The following PLCB3 variants were observed in gnomAD, a reference collection of about 807,000 sequenced individuals.
The protein encoded by PLCB3 is phospholipase C beta 3.
A neutral mutation model predicts 152.1 loss-of-function variants in PLCB3; 54 were observed. The observed-to-expected ratio is 0.36, with a 90% CI of 0.29 to 0.45. The LOEUF is 0.45. Ranked by LOEUF, PLCB3 falls within the 20% of genes least tolerant of loss-of-function variation. PLCB3 has a pLI of 1.00. For synonymous variants in PLCB3, 717 were observed against 698.7 expected, an observed-to-expected ratio of 1.03 and a Z score of -0.41; for missense variants, 1,248 against 1,687.5, an observed-to-expected ratio of 0.74 and a Z score of 4.56.
chr11:64,267,742 CTT>C lies in PLCB3; in HGVS notation c.*187_*188del. On this transcript the variant is annotated 3_prime_UTR_variant, in exon 31 of 31. Coordinates refer to ENST00000279230, the MANE Select transcript of PLCB3 (RefSeq NM_000932.5). This position sits in a 1 kb window ranked among gnomAD's most constrained non-coding sequence, Gnocchi z 5.2. The stretch of plus-strand genomic sequence containing the variant: ...GGGGCCCCTCCTTCCTGCCCTCAGT[CTT>C]AGGTTAGGGCCTTGGTCAGGGCTTT... The C allele has an allele frequency of 1.7e-6, 1 of 588,630 alleles. No individual in the cohort carries two copies. The allele number at this position is 588,630 out of a possible 1,614,324, so 36.5% of individuals were successfully genotyped here.
intron 1 of PLCB3, among the ~76,000 whole-genome samples, chr11:64,253,741 C>G (rs1290967322): frequency 6.6e-6 from 1 of 152,190 alleles, no homozygotes; most frequent in Admixed American, 6.5e-5. Flanking sequence ...TGCCCCCTGC[C>G]AGCTGCACGG....
rs375052596 is a variant in PLCB3, at chr11:64,266,016, C to T, written c.3166C>T (p.Arg1056Trp). 1.7e-5 allele frequency: 28 copies of T among 1,613,858 alleles called. No individual in the cohort carries two copies. Among genetic ancestry groups the T allele is most frequent in the East Asian group, 1.1e-4 (5 of 44,876 alleles). The change falls in exon 26 of 31, where the codon CGG becomes TGG. Residue 1056 changes from arginine (R) to tryptophan (W), a missense_variant. Around this residue, in one of 6 missense-constraint regions of PLCB3, gnomAD observed 477 missense variants for 489.6 expected, o/e 0.97. Transcript: ENST00000279230. The surrounding 1 kb of genome is among the most constrained non-coding windows in gnomAD (Gnocchi z 4.9). Reference protein sequence around the residue: ...REAQVDAEAQRRLEHLRQALQ... With the variant: ...REAQVDAEAQWRLEHLRQALQ... ...GGCCCAGGTGGACGCAGAGGCCCAGCGGAGGCTGGAACACCTGAGACAGGT... is the reference window on the plus strand; with the variant it reads ...GGCCCAGGTGGACGCAGAGGCCCAGTGGAGGCTGGAACACCTGAGACAGGT...
At chr11:64,263,636 TGGG>T (rs1263166884) in intron 20 of PLCB3, 39 bp downstream of exon 20, 1 of 1,604,840 alleles carries the variant, frequency 6.2e-7, no homozygotes, top group South Asian at 1.1e-5. Context: ...CAGCGGGCAG[TGGG>T]TAGGGCCCCC....
chr11:64,266,480 G>A lies in PLCB3; in HGVS notation c.3357-15G>A, dbSNP rs778788392. On this transcript the variant is annotated splice_polypyrimidine_tract_variant and intron_variant, in intron 28 of 30. Transcript: ENST00000279230. This position sits in a 1 kb window ranked among gnomAD's most constrained non-coding sequence, Gnocchi z 4.9. ...GTGTCTGGGCCCCGAGCCATCCTGC[G>A]TTGCTCCCGTGCAGGGAACTGACGG... The A allele has an allele frequency of 3.3e-5, 53 of 1,613,350 alleles. 1 individual carries two copies. Among genetic ancestry groups the A allele is most frequent in the Admixed American group, 5.0e-5 (3 of 59,992 alleles).
intron 10 of PLCB3, among the ~76,000 whole-genome samples, chr11:64,257,488 A>C (rs1006088913): frequency 3.9e-5 from 6 of 151,934 alleles, no homozygotes; most frequent in African/African-American, 1.4e-4. Flanking sequence ...ATAGTGGCGC[A>C]TGCCTGTGGT....
rs1230909845 is a variant in PLCB3 at position 64,266,957 on chromosome 11, C to T, written c.3415-228C>T. Reference sequence around the variant, plus strand: ...TACAGGCATCCGCCACCATGCCTGGCTAATTTTTTTATTTTTAGTAGAGAT... The same window carrying T: ...TACAGGCATCCGCCACCATGCCTGGTTAATTTTTTTATTTTTAGTAGAGAT... On this transcript the variant is annotated intron_variant, in intron 29 of 30. Coordinates refer to ENST00000279230, the MANE Select transcript of PLCB3 (RefSeq NM_000932.5). The surrounding 1 kb of genome is among the most constrained non-coding windows in gnomAD (Gnocchi z 4.9). Among the ~76,000 whole-genome samples, 1 of 152,184 alleles carries T rather than the reference C, an allele frequency of 6.6e-6. No homozygotes were observed. Among genetic ancestry groups the T allele is most frequent in the African/African-American group, 2.4e-5 (1 of 41,434 alleles).
Position 64,251,539 on chromosome 11 carries a change from G to A in PLCB3, c.-111G>A, listed in dbSNP as rs2031196002. The A allele has an allele frequency of 3.9e-6, 1 of 255,144 alleles. No individual in the cohort carries two copies. The highest frequency in any genetic ancestry group is 6.4e-6 in the Non-Finnish European group (1 of 155,288). The allele number at this position is 255,144 out of a possible 1,614,324, so 15.8% of individuals were successfully genotyped here. On this transcript the variant is annotated 5_prime_UTR_variant, in exon 1 of 31. Coordinates refer to ENST00000279230, the MANE Select transcript of PLCB3 (RefSeq NM_000932.5). ...CTGGTCGGTCCGGGACAGACTGGCG[G>A]GCGGGCGGGCACTGACGCCGCGGGG...
At position 64,258,734 on chromosome 11, in the gene PLCB3, A is replaced by C; in HGVS notation, c.1253+21A>C. ...GACTCGTGAGTGAGCCCCTGGCATGAAACCCCATGGACCGGGGGACAGTCT... is the reference window on the plus strand; with the variant it reads ...GACTCGTGAGTGAGCCCCTGGCATGCAACCCCATGGACCGGGGGACAGTCT... On this transcript the variant is annotated intron_variant, in intron 11 of 30. Transcript: ENST00000279230. This position sits in a 1 kb window ranked among gnomAD's most constrained non-coding sequence, Gnocchi z 7.2. 1 of 1,612,902 alleles carries C rather than the reference A, an allele frequency of 6.2e-7. No individual in the cohort carries two copies.
In PLCB3 at chr11:64,261,429, T is replaced by C; in HGVS notation, c.1761T>C (p.Thr587=). 1 of 1,614,100 alleles carries C rather than the reference T, an allele frequency of 6.2e-7. No homozygotes were observed. Among genetic ancestry groups the C allele is most frequent in the Non-Finnish European group, 8.5e-7 (1 of 1,179,990 alleles). The change falls in exon 15 of 31, where the codon ACT becomes ACC. Residue 587 remains threonine, a synonymous_variant. Coordinates refer to ENST00000279230, the MANE Select transcript of PLCB3 (RefSeq NM_000932.5). ...EGTASSEVNA[T]EEMSTLVNYI... is the part of the protein sequence containing the mutation. Reference sequence around the variant, plus strand: ...CAGCCAGCAGCGAGGTGAATGCCACTGAGGAGATGTCCACGCTTGTCAACT... The same window carrying C: ...CAGCCAGCAGCGAGGTGAATGCCACCGAGGAGATGTCCACGCTTGTCAACT...
chr11:64,254,321 A>C, intron 1 of PLCB3, 94 bp from the exon 2 acceptor site: 1 of 999,336 alleles, frequency 1.0e-6, no homozygotes, highest in African/African-American at 1.6e-5. Context: ...GCTCATGGGC[A>C]GGAACTCTGG....
intron 2 of PLCB3, 100 bp downstream of exon 2, chr11:64,254,592 C>T: frequency 1.5e-6 from 2 of 1,355,080 alleles, no homozygotes; most frequent in Non-Finnish European, 2.1e-6. Flanking sequence ...GCTGACCTCT[C>T]CCACTGCTGC....
At chr11:64,256,320 G>A (rs1378279928) in intron 8 of PLCB3, 56 bp from the exon 9 acceptor site, 10 of 1,548,048 alleles carry the variant, frequency 6.5e-6, no homozygotes, top group African/African-American at 4.1e-5. Flanking sequence ...AGGGCTTGGC[G>A]ACGGGGTGGG....
chr11:64,260,323 C>T, intron 14 of PLCB3, 89 bp downstream of exon 14: 2 of 885,596 alleles, frequency 2.3e-6, no homozygotes, highest in Non-Finnish European at 3.5e-6. Flanking sequence ...ACTGACATCA[C>T]CCCTGCCTCC....
intron 14 of PLCB3, 63 bp from the exon 15 acceptor site, chr11:64,261,337 C>G: frequency 1.7e-6 from 2 of 1,151,112 alleles, no homozygotes; most frequent in South Asian, 2.5e-5. Context: ...TCATGGGGGG[C>G]AGGTGAGGGA....
intron 10 of PLCB3, among the ~76,000 whole-genome samples, chr11:64,256,997 C>CTTTTTTT (rs5792316): frequency 0.032 from 1,981 of 61,488 alleles, 132 homozygotes; most frequent in South Asian, 0.056. Context: ...CTTCAGGGTC[C>CTTTTTTT]TTTTTTTTTT....
chr11:64,260,337 G>A, intron 14 of PLCB3, 103 bp downstream of exon 14: 3 of 782,478 alleles, frequency 3.8e-6, no homozygotes, highest in Non-Finnish European at 6.3e-6. Flanking sequence ...TGCCTCCTGG[G>A]GCTCAGTGTG....
Position 64,255,879 on chromosome 11 carries a change from C to A in PLCB3, c.698+58C>A. Reference sequence around the variant, plus strand: ...TGCTCTGTGTTTAGCTTCTGCTTAGCGTGCCTCTAGCTCAATGGGGAGAGG... The same window carrying A: ...TGCTCTGTGTTTAGCTTCTGCTTAGAGTGCCTCTAGCTCAATGGGGAGAGG... On this transcript the variant is annotated intron_variant, in intron 8 of 30. Coordinates refer to ENST00000279230, the MANE Select transcript of PLCB3 (RefSeq NM_000932.5). The surrounding 1 kb of genome is among the most constrained non-coding windows in gnomAD (Gnocchi z 6.8). 2.3e-6 allele frequency: 3 copies of A among 1,302,490 alleles called. No homozygotes were observed. Among genetic ancestry groups the A allele is most frequent in the Non-Finnish European group, 3.3e-6 (3 of 897,578 alleles). The allele number at this position is 1,302,490 out of a possible 1,614,324, so 80.7% of individuals were successfully genotyped here. A position where few individuals can be genotyped will look rare whatever the true frequency, so the allele number is the denominator to read the frequency against.
At chr11:64,269,252 C>A (rs186494429), downstream of PLCB3, 1 of 152,506 alleles carries the variant, frequency 6.6e-6, no homozygotes, top group Non-Finnish European at 1.5e-5. Context: ...CTAGCTGCCT[C>A]CTCCCTGAAG....
At chr11:64,253,750 G>T (rs1361763190) in intron 1 of PLCB3, among the ~76,000 whole-genome samples, 1 of 152,196 alleles carries the variant, frequency 6.6e-6, no homozygotes, top group Admixed American at 6.5e-5. Flanking sequence ...CCAGCTGCAC[G>T]GCTGTTTGAG....
Sources: allele counts gnomAD v4.1 joint callset (sites outside exome capture counted in the v4.1 genomes callset), GRCh38; gene constraint gnomAD v4.1.1; regional missense constraint gnomAD v4.1.1; non-coding constraint Gnocchi (gnomAD v3.1); transcripts MANE v1.5; gene names NCBI Gene and HGNC (gene_info 2026-07-23, HGNC 2026-07-21).